CNTN5: variants seen among roughly 807,000 people sequenced by gnomAD.
CNTN5 encodes contactin 5.
CNTN5 carries 77 observed loss-of-function variants against 129.1 expected under a neutral mutation model. That is an observed-to-expected ratio of 0.60 (90% CI 0.50 to 0.72). The LOEUF is 0.72. CNTN5 is among the 30% of genes least tolerant of loss of function. The pLI, the probability that CNTN5 is intolerant of heterozygous loss-of-function variation, is 0.00. For synonymous variants in CNTN5, 509 were observed against 465.6 expected, an observed-to-expected ratio of 1.09 and a Z score of -1.20; for missense variants, 1,478 against 1,328.8, an observed-to-expected ratio of 1.11 and a Z score of -1.75.
chr11:99,528,479 C>A (rs924161744), intron 2 of CNTN5, among the ~76,000 whole-genome samples: 2 of 152,330 alleles, frequency 1.3e-5, no homozygotes, highest in South Asian at 2.1e-4. Flanking sequence ...CCATGGCAGA[C>A]AACCTGAGAT....
intron 2 of CNTN5, among the ~76,000 whole-genome samples, chr11:99,533,695 A>G (rs1302003755): frequency 2.0e-5 from 3 of 152,214 alleles, no homozygotes; most frequent in South Asian, 2.1e-4. Context: ...AGGGAACCCA[A>G]TGCCTAAAGG....
chr11:99,499,793 T>TA (rs1946360591), intron 2 of CNTN5, among the ~76,000 whole-genome samples: 2 of 152,232 alleles, frequency 1.3e-5, no homozygotes, highest in Admixed American at 6.5e-5. Flanking sequence ...AACAGTTATA[T>TA]TTTTCAGGCC....
chr11:100,080,682 G>T (rs1944328013), intron 13 of CNTN5, among the ~76,000 whole-genome samples: 1 of 152,082 alleles, frequency 6.6e-6, no homozygotes, highest in Non-Finnish European at 1.5e-5. Flanking sequence ...TAATGAACAA[G>T]CTGTTTTGTT....
intron 21 of CNTN5, among the ~76,000 whole-genome samples, chr11:100,322,550 T>G (rs1951716023): frequency 1.3e-5 from 2 of 152,152 alleles, no homozygotes; most frequent in Admixed American, 1.3e-4. Flanking sequence ...AACTACATCG[T>G]AAGAGTACCC....
intron 8 of CNTN5, among the ~76,000 whole-genome samples, chr11:99,990,908 C>T (rs1249480647): frequency 1.1e-4 from 17 of 152,102 alleles, no homozygotes; most frequent in Admixed American, 1.1e-3. Flanking sequence ...TATGAGACAA[C>T]TGGAACCCAG....
intron 1 of CNTN5, among the ~76,000 whole-genome samples, chr11:99,170,096 AT>A (rs1203366552): frequency 5.3e-5 from 8 of 152,110 alleles, no homozygotes; most frequent in African/African-American, 1.9e-4. Context: ...TTATTTGTTT[AT>A]TTTGCATGTT....
intron 9 of CNTN5, among the ~76,000 whole-genome samples, chr11:100,052,103 G>C (rs1453336100): frequency 6.6e-6 from 1 of 151,846 alleles, no homozygotes. Context: ...TATATAATTA[G>C]TCACATGAAT....
intron 13 of CNTN5, among the ~76,000 whole-genome samples, chr11:100,109,922 T>C (rs1404949636): frequency 6.6e-6 from 1 of 152,160 alleles, no homozygotes; most frequent in East Asian, 1.9e-4. Context: ...CTCATGCCTG[T>C]AATCCCAGCA....
chr11:99,384,386 C>A (rs1940791610), intron 2 of CNTN5, among the ~76,000 whole-genome samples: 1 of 152,110 alleles, frequency 6.6e-6, no homozygotes, highest in Non-Finnish European at 1.5e-5. Context: ...GTTTTGCAAA[C>A]ACTCTGGAAT....
chr11:100,240,782 T>C (rs1051007379), intron 16 of CNTN5, among the ~76,000 whole-genome samples: 2 of 152,160 alleles, frequency 1.3e-5, no homozygotes, highest in Non-Finnish European at 2.9e-5. Flanking sequence ...ATTGTCAAGG[T>C]TGCACCTGTC....
At chr11:100,192,775 A>T (rs1948530358) in intron 14 of CNTN5, among the ~76,000 whole-genome samples, 1 of 152,052 alleles carries the variant, frequency 6.6e-6, no homozygotes, top group African/African-American at 2.4e-5. Flanking sequence ...GTGTGTTTTT[A>T]AAATTTAACT....
At chr11:99,450,219 A>G (rs1325995813) in intron 2 of CNTN5, among the ~76,000 whole-genome samples, 4 of 151,590 alleles carry the variant, frequency 2.6e-5, no homozygotes, top group African/African-American at 7.3e-5. Context: ...CAGAGAATAA[A>G]TATTTCTCAC....
intron 3 of CNTN5, among the ~76,000 whole-genome samples, chr11:99,618,860 T>C (rs991495964): frequency 2.0e-5 from 3 of 152,140 alleles, no homozygotes; most frequent in African/African-American, 7.2e-5. Context: ...ACCTACTATC[T>C]GCAAAAATTA....
At chr11:100,010,365 A>T (rs183106131) in intron 9 of CNTN5, among the ~76,000 whole-genome samples, 152 of 152,214 alleles carry the variant, frequency 1.0e-3, no homozygotes, top group African/African-American at 3.4e-3. Flanking sequence ...AGAACCTCAG[A>T]TGTACCCCTA....
At chr11:99,943,584 T>G (rs895683277) in intron 7 of CNTN5, among the ~76,000 whole-genome samples, 15 of 152,120 alleles carry the variant, frequency 9.9e-5, no homozygotes, top group Non-Finnish European at 1.8e-4. Flanking sequence ...TTGCTTTTGA[T>G]GTTTCAGTCA....
intron 2 of CNTN5, among the ~76,000 whole-genome samples, chr11:99,518,157 G>C (rs570931804): frequency 6.6e-6 from 1 of 151,992 alleles, no homozygotes; most frequent in South Asian, 2.1e-4. Flanking sequence ...CAAATTTCCA[G>C]TATATTAAAT....
At chr11:100,035,591 T>C (rs1196932862) in intron 9 of CNTN5, among the ~76,000 whole-genome samples, 17 of 142,146 alleles carry the variant, frequency 1.2e-4, no homozygotes, top group Admixed American at 8.5e-4. Context: ...CCACCAACAG[T>C]GTAAAAGTGT....
intron 1 of CNTN5, among the ~76,000 whole-genome samples, chr11:99,262,056 T>A (rs1011519242): frequency 3.3e-5 from 5 of 152,030 alleles, no homozygotes; most frequent in African/African-American, 1.2e-4. Flanking sequence ...ATACTGGTGA[T>A]CATGTAGTCC....
chr11:99,874,530 C>T (rs1167637389), intron 6 of CNTN5, among the ~76,000 whole-genome samples: 7 of 152,024 alleles, frequency 4.6e-5, no homozygotes, highest in South Asian at 4.1e-4. Context: ...TAGCTATTGA[C>T]GGATAATACC....
Sources: allele counts gnomAD v4.1 joint callset (sites outside exome capture counted in the v4.1 genomes callset), GRCh38; gene constraint gnomAD v4.1.1; transcripts MANE v1.5; gene names NCBI Gene and HGNC (gene_info 2026-07-23, HGNC 2026-07-21).